MED12: variants seen among roughly 807,000 people sequenced by gnomAD.
MED12 encodes the protein mediator of RNA polymerase II transcription subunit 12.
In MED12, 10 loss-of-function variants were observed where a neutral mutation model predicts 177.7. That is an observed-to-expected ratio of 0.06 (90% CI 0.03 to 0.10). The LOEUF (loss-of-function observed/expected upper bound fraction) is 0.10. Among genes scored for constraint, MED12 ranks in the 10% least tolerant of loss-of-function variants. The pLI, the probability that MED12 is intolerant of heterozygous loss-of-function variation, is 1.00. For missense variants in MED12, 867 were observed against 1,780.8 expected, an observed-to-expected ratio of 0.49 and a Z score of 9.23; for synonymous variants, 641 against 678.4, an observed-to-expected ratio of 0.94 and a Z score of 0.86.
rs1424543884 is a variant in MED12 at position 71,124,199 on chromosome X, C to T, written c.1785C>T (p.Asn595=). 8.3e-7 allele frequency: 1 copy of T among 1,211,433 alleles called. No homozygotes were observed. Among genetic ancestry groups the T allele is most frequent in the Admixed American group, 2.2e-5 (1 of 46,027 alleles). The change falls in exon 13 of 45, where the codon AAC becomes AAT. Residue 595 remains asparagine, a synonymous_variant. Coordinates refer to ENST00000374080, the MANE Select transcript of MED12 (RefSeq NM_005120.3). The stretch of plus-strand genomic sequence containing the variant: ...AGAGTGAGCGGGTGGAATTCTTTAA[C>T]TTAGTACTGCTGTTCTGTGAACTGA... ...RSESERVEFF[N]LVLLFCELIR... is the part of the protein sequence containing the mutation.
chrX:71,124,538 T>G, intron 13 of MED12, 150 bp downstream of exon 13: 1 of 525,425 alleles, frequency 1.9e-6, no homozygotes, highest in Non-Finnish European at 3.2e-6. Context: ...TCACATCAAT[T>G]GTTTCATTGG....
intron 41 of MED12, 96 bp downstream of exon 41, chrX:71,138,039 G>A (rs1471552879): frequency 1.2e-6 from 1 of 852,183 alleles, no homozygotes; most frequent in African/African-American, 2.0e-5. Context: ...GGACTGGTCA[G>A]AACTTTCGGA....
At chrX:71,129,946 C>T in intron 27 of MED12, 89 bp from the exon 28 acceptor site, 1 of 1,174,352 alleles carries the variant, frequency 8.5e-7, no homozygotes, top group Non-Finnish European at 1.2e-6. Context: ...CCCTACTATA[C>T]ATTGTGTTCC....
In MED12 at chrX:71,132,422, T is replaced by C. The variant is rs763359998; in HGVS notation, c.4299T>C (p.Ala1433=). ...SGVWLVAPLI[A]KLPTSVQGHV... is the part of the protein sequence containing the mutation. ...TATGGCTGGTGGCCCCCCTCATTGC[T>C]AAACTGCCCACCTCAGTCCAGGGAC... Residue 1433 remains alanine (A), a synonymous_variant, in exon 31 of 45, where the codon GCT becomes GCC. Transcript: ENST00000374080. 30 of 1,209,465 alleles carry C rather than the reference T, an allele frequency of 2.5e-5. No individual in the cohort carries two copies. In the Admixed American group the frequency reaches 6.6e-4, roughly 26 times the overall value.
chrX:71,124,685 C>T (rs986963889), intron 13 of MED12, 79 bp from the exon 14 acceptor site: 1 of 806,198 alleles, frequency 1.2e-6, no homozygotes, highest in African/African-American at 2.0e-5. Context: ...TCTCTCTCCA[C>T]TTCCCCAATG....
chrX:71,127,004 G>C lies in MED12; in HGVS notation c.2721G>C (p.Leu907=), dbSNP rs757010467. 3 of 1,209,942 alleles carry C rather than the reference G, an allele frequency of 2.5e-6. No individual in the cohort carries two copies. Among genetic ancestry groups the C allele is most frequent in the Admixed American group, 2.2e-5 (1 of 45,866 alleles). Residue 907 remains leucine (L), a synonymous_variant, in exon 20 of 45, where the codon CTG becomes CTC. Transcript: ENST00000374080. ...LNELSVVEAE[L]LLKSSDLVGS... is the part of the protein sequence containing the mutation. ...AACTGAGTGTAGTTGAGGCTGAGCT[G>C]CTTCTCAAATCCTCGGATCTGGTGG...
intron 34 of MED12, 120 bp downstream of exon 34, chrX:71,134,586 C>CT: frequency 9.8e-6 from 10 of 1,017,991 alleles, no homozygotes; most frequent in Non-Finnish European, 1.4e-5. Flanking sequence ...GCCCTGGGCT[C>CT]CCCATACAGT....
rs1371947595 is a variant in MED12 at position 71,128,059 on chromosome X, C to T, written c.3148C>T (p.Arg1050Cys). Reference protein sequence around the residue: ...GKSLSENPANRYSFVCNALMH... With the variant: ...GKSLSENPANCYSFVCNALMH... ...GAGTCTTAGTGAGAACCCTGCTAAC[C>T]GCTACAGCTTTGTCTGCAATGCCCT... Residue 1050 changes from arginine to cysteine, a missense_variant, in exon 22 of 45, where the codon CGC becomes TGC. By Grantham distance (180) the Arg-to-Cys change is radical. Around this residue, in one of 14 missense-constraint regions of MED12, gnomAD observed 70 missense variants for 143.6 expected, o/e 0.49. Coordinates refer to ENST00000374080, the MANE Select transcript of MED12 (RefSeq NM_005120.3). The T allele has an allele frequency of 3.3e-6, 4 of 1,211,553 alleles. No homozygotes were observed. The highest frequency in any genetic ancestry group is 3.0e-5 in the East Asian group (1 of 33,849).
intron 18 of MED12, 26 bp downstream of exon 18, chrX:71,126,180 C>G: frequency 8.5e-7 from 1 of 1,173,824 alleles, no homozygotes; most frequent in Non-Finnish European, 1.2e-6. Flanking sequence ...CAGCCCCTTT[C>G]CCACATTCTG....
In MED12 at chrX:71,118,830, C is replaced by T. The variant is rs776154055; in HGVS notation, c.76C>T (p.Pro26Ser). The T allele has an allele frequency of 1.7e-6, 2 of 1,208,952 alleles. No homozygotes were observed. The highest frequency in any genetic ancestry group is 2.2e-6 in the Non-Finnish European group (2 of 894,508). ...RPRLGPPDVYPQDPKQKEDEL... is the reference protein window; with the variant it reads ...RPRLGPPDVYSQDPKQKEDEL... ...GCGGCTGGGGCCTCCCGATGTTTACCCTCAGGACCCCAAACAGAAGGAGGT... is the reference window on the plus strand; with the variant it reads ...GCGGCTGGGGCCTCCCGATGTTTACTCTCAGGACCCCAAACAGAAGGAGGT... Residue 26 changes from proline to serine, a missense_variant, in exon 1 of 45, where the codon CCT becomes TCT. Around this residue, in one of 14 missense-constraint regions of MED12, gnomAD observed 42 missense variants for 129.6 expected, o/e 0.32. Coordinates refer to ENST00000374080, the MANE Select transcript of MED12 (RefSeq NM_005120.3).
At position 71,121,048 on chromosome X, in the gene MED12, G is replaced by A. The variant is rs1247718783; in HGVS notation, c.631G>A (p.Gly211Arg). The A allele has an allele frequency of 8.3e-7, 1 of 1,212,084 alleles. No individual in the cohort carries two copies. The highest frequency in any genetic ancestry group is 2.2e-5 in the Admixed American group (1 of 46,091). ...MAEYYRPGPA[G>R]SGGCGSTIGP... is the part of the protein sequence containing the mutation. ...TGAATACTACCGGCCAGGGCCTGCA[G>A]GAAGTGGGGGCTGTGGTTCCACGAT... Residue 211 changes from glycine (G) to arginine (R), a missense_variant, in exon 5 of 45, where the codon GGA becomes AGA. Coordinates refer to ENST00000374080, the MANE Select transcript of MED12 (RefSeq NM_005120.3).
At chrX:71,130,951 G>A (rs888998093) in intron 28 of MED12, among the ~76,000 whole-genome samples, 1 of 112,133 alleles carries the variant, frequency 8.9e-6, no homozygotes, top group African/African-American at 3.2e-5. Flanking sequence ...CAGGGACTTT[G>A]AGCAGCTGGT....
chrX:71,137,481 C>G, intron 39 of MED12, 77 bp from the exon 40 acceptor site: 1 of 1,155,294 alleles, frequency 8.7e-7, no homozygotes, highest in African/African-American at 1.8e-5. Flanking sequence ...CACAAGGACA[C>G]TCAGGGTGGG....
chrX:71,126,508 G>A lies in MED12; in HGVS notation c.2685+24G>A, dbSNP rs2147796742. 2.5e-6 allele frequency: 3 copies of A among 1,210,440 alleles called. No individual in the cohort carries two copies. In the South Asian group the frequency reaches 5.3e-5, roughly 21 times the overall value. On this transcript the variant is annotated intron_variant, in intron 19 of 44. Coordinates refer to ENST00000374080, the MANE Select transcript of MED12 (RefSeq NM_005120.3). Reference sequence around the variant, plus strand: ...AGGTGGGGAAGTTGGGGAGATGAGGGTGGAGGCAGGAGTTCATGCCATATA... The same window carrying A: ...AGGTGGGGAAGTTGGGGAGATGAGGATGGAGGCAGGAGTTCATGCCATATA...
Position 71,126,590 on chromosome X carries a change from A to G in MED12, c.2685+106A>G, listed in dbSNP as rs182482761. 1.8e-3 allele frequency: 1,762 copies of G among 972,820 alleles called. 34 individuals are homozygous for G. The Admixed American group carries it at 0.03, about 16-fold the overall frequency. 80.2% of individuals were successfully genotyped at this position (972,820 alleles called of 1,213,427 possible). On this transcript the variant is annotated intron_variant, in intron 19 of 44. Transcript: ENST00000374080. ...GAGGCTCCAGCCAGTTTCCCAAGCT[A>G]TTTGAAGGGGCAGAAAGACTAGCAT...
In MED12 at chrX:71,119,405, T is replaced by G; in HGVS notation, c.132T>G (p.Gly44=). The G allele has an allele frequency of 1.7e-6, 2 of 1,199,666 alleles. No homozygotes were observed. The highest frequency in any genetic ancestry group is 2.3e-6 in the Non-Finnish European group (2 of 888,758). ...DELTALNVKQ[G]FNNQPAVSGD... ...TGACGGCCTTGAATGTAAAACAAGG[T>G]TTCAATAACCAGCCTGCTGTCTCTG... Residue 44 remains glycine (G), a synonymous_variant, in exon 2 of 45, where the codon GGT becomes GGG. Transcript: ENST00000374080.
intron 28 of MED12, among the ~76,000 whole-genome samples, chrX:71,130,823 A>G (rs994529681): frequency 8.9e-6 from 1 of 112,649 alleles, no homozygotes; most frequent in African/African-American, 3.2e-5. Context: ...GCCGTTGAGG[A>G]AAAGCTAAAG....
At position 71,127,058 on chromosome X, in the gene MED12, C is replaced by T. The variant is rs2147798128; in HGVS notation, c.2775C>T (p.Cys925=). 8.3e-7 allele frequency: 1 copy of T among 1,211,689 alleles called. No homozygotes were observed. The highest frequency in any genetic ancestry group is 1.1e-6 in the Non-Finnish European group (1 of 895,095). ...VGSYTTSLCL[C]IVAVLRHYHA... is the part of the protein sequence containing the mutation. ...GCTACACTACTAGCCTGTGCCTGTG[C>T]ATCGTGGCTGTCCTGCGGCACTATC... Residue 925 remains cysteine, a synonymous_variant, in exon 20 of 45, where the codon TGC becomes TGT. Transcript: ENST00000374080.
chrX:71,140,829 GGCA>G lies in MED12; in HGVS notation c.6256_6258del (p.Gln2086del), dbSNP rs786200971. 125 of 1,173,953 alleles carry G rather than the reference GGCA, an allele frequency of 1.1e-4. 1 individual carries two copies. Among genetic ancestry groups the G allele is most frequent in the Non-Finnish European group, 8.9e-5 (78 of 873,307 alleles). On this transcript the variant is annotated inframe_deletion, in exon 42 of 45. Transcript: ENST00000374080. ...CAGCAGCAGCAGCAGTACCACATCCGGCAGCAGCAGCAGCAGCAGATCCTGCGG... is the reference window on the plus strand; with the variant it reads ...CAGCAGCAGCAGCAGTACCACATCCGGCAGCAGCAGCAGCAGATCCTGCGG...
Sources: allele counts gnomAD v4.1 joint callset (sites outside exome capture counted in the v4.1 genomes callset), GRCh38; gene constraint gnomAD v4.1.1; regional missense constraint gnomAD v4.1.1; transcripts MANE v1.5; gene names NCBI Gene and HGNC (gene_info 2026-07-23, HGNC 2026-07-21).